The following GPA33 variants were observed in gnomAD, a reference collection of about 807,000 sequenced individuals.
The protein encoded by GPA33 is cell surface A33 antigen.
In GPA33, 27 loss-of-function variants were observed where a neutral mutation model predicts 35.6. The ratio of observed to expected loss-of-function variants is 0.76; its 90% CI spans 0.56 to 1.04. The LOEUF is 1.04. Among genes scored for constraint, GPA33 ranks in the 50% least tolerant of loss-of-function variants. The pLI is 0.00. For synonymous variants in GPA33, 176 were observed against 164.0 expected (o/e 1.07, Z -0.56); for missense variants, 428 against 411.9 (o/e 1.04, Z -0.34).
intron 4 of GPA33, among the ~76,000 whole-genome samples, chr1:167,056,416 G>C (rs993755728): frequency 3.6e-4 from 55 of 151,616 alleles, no homozygotes; most frequent in South Asian, 8.4e-4. Context: ...GAGGTGTGTG[G>C]GGTGTATGTG....
At chr1:167,056,580 A>G (rs117050019) in intron 4 of GPA33, among the ~76,000 whole-genome samples, 9 of 634 alleles carry the variant, frequency 0.014, no homozygotes, top group Non-Finnish European at 0.043. Flanking sequence ...TGTGTGGCAT[A>G]TGTGTGGTAT....
At chr1:167,058,381 C>CA (rs1185415269) in intron 4 of GPA33, 1 of 151,908 alleles carries the variant, frequency 6.6e-6, no homozygotes, top group Non-Finnish European at 1.5e-5. Context: ...TCCAGTCTCC[C>CA]AAAGAAGACA....
intron 3 of GPA33, among the ~76,000 whole-genome samples, chr1:167,065,772 G>T (rs1032851485): frequency 1.3e-5 from 2 of 152,174 alleles, no homozygotes; most frequent in Non-Finnish European, 2.9e-5. Context: ...GAGCATGAGG[G>T]AAATTAGAGG....
chr1:167,088,665 C>T (rs2102209434), intron 1 of GPA33, among the ~76,000 whole-genome samples: 1 of 152,314 alleles, frequency 6.6e-6, no homozygotes. Context: ...GAGTTACGGC[C>T]ACTTTTCCCT....
rs1039616184 is a variant in GPA33, at chr1:167,065,645, C to G, written c.416-1908G>C. Reference sequence around the variant, plus strand: ...AGCTGCTGAGAGAAACCCTTCCACACACACCACTCCCCTCTAGCCCAGCAG... The same window carrying G: ...AGCTGCTGAGAGAAACCCTTCCACAGACACCACTCCCCTCTAGCCCAGCAG... On this transcript the variant is annotated intron_variant, in intron 3 of 6. Coordinates refer to ENST00000367868, the MANE Select transcript of GPA33 (RefSeq NM_005814.3). 2.6e-5 allele frequency among the ~76,000 whole-genome samples: 4 copies of G among 152,214 alleles called. 1 individual carries two copies. Among genetic ancestry groups the G allele is most frequent in the Admixed American group, 2.6e-4 (4 of 15,282 alleles).
intron 4 of GPA33, among the ~76,000 whole-genome samples, chr1:167,056,559 GGTA>G (rs1666260562): frequency 1.2e-4 from 1 of 8,480 alleles, no homozygotes; most frequent in Non-Finnish European, 3.4e-4. Flanking sequence ...GTGTGTGTAT[GGTA>G]TGTGGTGTGT....
intron 3 of GPA33, among the ~76,000 whole-genome samples, chr1:167,067,384 G>A (rs56259579): frequency 1.3e-5 from 2 of 152,012 alleles, no homozygotes; most frequent in Admixed American, 6.6e-5. Context: ...TTACAGGCTT[G>A]AGCTACCGCA....
intron 2 of GPA33, among the ~76,000 whole-genome samples, chr1:167,071,438 T>C (rs898404462): frequency 2.6e-5 from 4 of 152,238 alleles, no homozygotes; most frequent in African/African-American, 9.6e-5. Context: ...TGCAGTGCGC[T>C]TTGTGCAACA....
At chr1:167,069,653 A>G (rs1666676342) in intron 2 of GPA33, among the ~76,000 whole-genome samples, 1 of 152,266 alleles carries the variant, frequency 6.6e-6, no homozygotes, top group South Asian at 2.1e-4. Context: ...TAATGGCTAA[A>G]TCACAGACTT....
At chr1:167,055,141 C>T (rs369432393) in intron 5 of GPA33, 30 bp from the exon 6 acceptor site, 14 of 1,608,660 alleles carry the variant, frequency 8.7e-6, no homozygotes, top group East Asian at 2.2e-5. Flanking sequence ...CTGCACTTGC[C>T]GAGCTTCTAA....
At chr1:167,056,700 G>A (rs1425291262) in intron 4 of GPA33, among the ~76,000 whole-genome samples, 21 of 10,650 alleles carry the variant, frequency 2.0e-3, no homozygotes, top group Admixed American at 6.7e-3. Context: ...GTGGGTGTGT[G>A]GTGTGTGTAG....
intron 4 of GPA33, among the ~76,000 whole-genome samples, chr1:167,060,187 C>T (rs944519477): frequency 3.3e-5 from 5 of 152,232 alleles, no homozygotes; most frequent in Non-Finnish European, 7.3e-5. Flanking sequence ...ATCTTCCCAC[C>T]TCAGCCTCCC....
chr1:167,056,562 ATGT>A (rs1666260790), intron 4 of GPA33, among the ~76,000 whole-genome samples: 1 of 3,716 alleles, frequency 2.7e-4, no homozygotes, highest in Non-Finnish European at 8.1e-4. Flanking sequence ...TGTGTATGGT[ATGT>A]GGTGTGTGTG....
rs549202567 is a variant in GPA33 at position 167,074,120 on chromosome 1, G to A, written c.44-581C>T. Among the ~76,000 whole-genome samples the A allele has an allele frequency of 1.4e-4, 21 of 150,108 alleles. No individual in the cohort carries two copies. The South Asian group carries it at 4.5e-3, about 32-fold the overall frequency. Reference sequence around the variant, plus strand: ...ATCTCGTATGAGTTTATCAGAACAAGGTTAGGAAAAAGAATGTGGCCACAC... The same window carrying A: ...ATCTCGTATGAGTTTATCAGAACAAAGTTAGGAAAAAGAATGTGGCCACAC... On this transcript the variant is annotated intron_variant, in intron 1 of 6. Transcript: ENST00000367868.
intron 1 of GPA33, among the ~76,000 whole-genome samples, chr1:167,084,372 T>C (rs1336386438): frequency 6.6e-6 from 1 of 152,216 alleles, no homozygotes; most frequent in Non-Finnish European, 1.5e-5. Context: ...CACAAAGTGA[T>C]GATCTGAATT....
chr1:167,088,889 C>T (rs150839800), intron 1 of GPA33, among the ~76,000 whole-genome samples: 364 of 152,302 alleles, frequency 2.4e-3, no homozygotes, highest in African/African-American at 8.3e-3. Flanking sequence ...CAGCCTCCCT[C>T]TCTCAGGCCC....
chr1:167,086,498 A>G (rs1314192909), intron 1 of GPA33, among the ~76,000 whole-genome samples: 1 of 152,236 alleles, frequency 6.6e-6, no homozygotes, highest in East Asian at 1.9e-4. Context: ...GGCCATCGTG[A>G]TAGGGCAGAC....
intron 1 of GPA33, among the ~76,000 whole-genome samples, chr1:167,077,889 C>T (rs1666855312): frequency 6.6e-6 from 1 of 152,172 alleles, no homozygotes; most frequent in African/African-American, 2.4e-5. Flanking sequence ...TTTGTATTTT[C>T]CCTATTTTAC....
At chr1:167,073,599 C>T in intron 1 of GPA33, 60 bp from the exon 2 acceptor site, 1 of 1,416,926 alleles carries the variant, frequency 7.1e-7, no homozygotes, top group Non-Finnish European at 9.8e-7. Flanking sequence ...CATACCCACT[C>T]ACTGCCCACA....
Sources: allele counts gnomAD v4.1 joint callset (sites outside exome capture counted in the v4.1 genomes callset), GRCh38; gene constraint gnomAD v4.1.1; transcripts MANE v1.5; gene names NCBI Gene and HGNC (gene_info 2026-07-23, HGNC 2026-07-21).